Variants in TMIGD2 observed in about 807,000 individuals in gnomAD.
The protein encoded by TMIGD2 is transmembrane and immunoglobulin domain containing 2.
Under a neutral mutation model 22.6 loss-of-function variants are expected in TMIGD2, and 18 were observed. The observed-to-expected ratio is 0.80, with a 90% CI of 0.55 to 1.18. The LOEUF (loss-of-function observed/expected upper bound fraction) is 1.18. TMIGD2 is among the 50% of genes most tolerant of loss of function. The probability of loss-of-function intolerance (pLI) is 0.00; values close to 1 mark genes in which losing one functional copy is unlikely to be tolerated. For synonymous variants in TMIGD2, 184 were observed against 154.1 expected, an observed-to-expected ratio of 1.19 and a Z score of -1.44; for missense variants, 361 against 378.2, an observed-to-expected ratio of 0.95 and a Z score of 0.38.
At chr19:4,300,260 C>CAAACA (rs1184617131) in intron 1 of TMIGD2, among the ~76,000 whole-genome samples, 1 of 135,328 alleles carries the variant, frequency 7.4e-6, no homozygotes, top group Non-Finnish European at 1.6e-5. Context: ...GGCTCTGTCT[C>CAAACA]AAACAAAACA....
At chr19:4,302,350 C>T in exon 1 of TMIGD2, 2 of 1,575,070 alleles carry the variant, frequency 1.3e-6, no homozygotes, top group Non-Finnish European at 1.7e-6. Context: ...CCCAGATCTG[C>T]ACCAGGAGGC....
Position 4,294,629 on chromosome 19 carries a change from A to ACGAT in TMIGD2, c.496_499dup (p.Val167AspfsTer20), listed in dbSNP as rs759157548. The ACGAT allele has an allele frequency of 8.1e-6, 13 of 1,608,326 alleles. No individual in the cohort carries two copies. The Admixed American group carries it at 2.2e-4, about 27-fold the overall frequency. ...GCGGCCCCAGAACCAGGCACCCCAC[A>ACGAT]CGATCGCAGCCACACCCATGCTTCC... is the stretch of plus-strand genomic sequence containing the variant. On this transcript the variant is annotated frameshift_variant, in exon 4 of 5. Coordinates refer to ENST00000301272, the Ensembl canonical transcript of TMIGD2. LOFTEE classifies it high-confidence loss of function.
intron 2 of TMIGD2, 55 bp from the exon 3 acceptor site, chr19:4,294,871 A>G (rs781441485): frequency 5.3e-6 from 8 of 1,495,992 alleles, no homozygotes; most frequent in Admixed American, 4.7e-5. Flanking sequence ...CCCTCCAAGG[A>G]CAGAGCTCAC....
At chr19:4,294,707 A>T in intron 3 of TMIGD2, 27 bp from the exon 4 acceptor site, 2 of 1,574,614 alleles carry the variant, frequency 1.3e-6, no homozygotes, top group South Asian at 1.2e-5. Context: ...GAGATGGTCT[A>T]ATCAGGAGGG....
chr19:4,294,458 T>C (rs1971430499), intron 4 of TMIGD2, 121 bp downstream of exon 4: 3 of 922,976 alleles, frequency 3.3e-6, no homozygotes, highest in Non-Finnish European at 5.2e-6. Flanking sequence ...GAGCCAGGCT[T>C]CTCCTCCCTT....
intron 1 of TMIGD2, among the ~76,000 whole-genome samples, chr19:4,300,053 G>T (rs1176623005): frequency 6.6e-6 from 1 of 151,656 alleles, no homozygotes; most frequent in Admixed American, 6.6e-5. Context: ...CTGAGGTCAG[G>T]AGTTCAAGAC....
At chr19:4,292,703 T>TGGGGCA in exon 5 of TMIGD2, 1 of 1,603,584 alleles carries the variant, frequency 6.2e-7, no homozygotes, top group Non-Finnish European at 8.5e-7. Flanking sequence ...GGCCTGGGGC[T>TGGGGCA]GGGGCAGGGT....
intron 3 of TMIGD2, 37 bp downstream of exon 3, chr19:4,294,738 G>A (rs780446232): frequency 5.7e-6 from 9 of 1,575,762 alleles, no homozygotes; most frequent in African/African-American, 5.4e-5. Context: ...TGATGCGGGT[G>A]GAAGACGCTG....
At chr19:4,292,596 C>T in exon 5 of TMIGD2, 1 of 1,612,822 alleles carries the variant, frequency 6.2e-7, no homozygotes, top group African/African-American at 1.3e-5. Flanking sequence ...CTCCTGGGAT[C>T]TCTCACTCCT....
At chr19:4,294,714 A>C in intron 3 of TMIGD2, 34 bp from the exon 4 acceptor site, 1 of 1,571,008 alleles carries the variant, frequency 6.4e-7, no homozygotes, top group Non-Finnish European at 8.6e-7. Flanking sequence ...TCTAATCAGG[A>C]GGGGAAGGGG....
chr19:4,297,485 T>TTA (rs1375360459), intron 2 of TMIGD2, among the ~76,000 whole-genome samples: 1 of 152,180 alleles, frequency 6.6e-6, no homozygotes, highest in African/African-American at 2.4e-5. Context: ...TCCTCTTGCC[T>TTA]TAGCCTCCCA....
intron 4 of TMIGD2, among the ~76,000 whole-genome samples, chr19:4,293,967 G>T (rs578257539): frequency 6.6e-6 from 1 of 151,832 alleles, no homozygotes; most frequent in African/African-American, 2.4e-5. Context: ...TCACCATGTC[G>T]CCCAGGCTGG....
chr19:4,295,890 C>G (rs1404224182), intron 2 of TMIGD2, among the ~76,000 whole-genome samples: 1 of 152,172 alleles, frequency 6.6e-6, no homozygotes, highest in Non-Finnish European at 1.5e-5. Context: ...TACTATGTCT[C>G]AGGCCCTGTG....
exon 5 of TMIGD2, chr19:4,292,778 T>G (rs773560195): frequency 6.2e-7 from 1 of 1,610,682 alleles, no homozygotes; most frequent in Non-Finnish European, 8.5e-7. Context: ...GGGAAGGAGG[T>G]TGAATAAATG....
chr19:4,300,642 C>T (rs530329264), intron 1 of TMIGD2, among the ~76,000 whole-genome samples: 108 of 152,356 alleles, frequency 7.1e-4, no homozygotes, highest in African/African-American at 2.5e-3. Flanking sequence ...AAGTACATGC[C>T]ACTGTGCTCA....
chr19:4,292,977 T>C (rs1037127207), intron 4 of TMIGD2, 92 bp from the exon 5 acceptor site: 149 of 1,459,516 alleles, frequency 1.0e-4, no homozygotes, highest in Non-Finnish European at 1.2e-4. Flanking sequence ...TTTTTTTTTT[T>C]CTGTGAGACG....
At chr19:4,293,552 A>G (rs903567936) in intron 4 of TMIGD2, among the ~76,000 whole-genome samples, 10 of 142,434 alleles carry the variant, frequency 7.0e-5, no homozygotes, top group East Asian at 4.1e-4. Context: ...GAGCCACTGC[A>G]CCCGGCCAAT....
rs543125714 is a variant in TMIGD2 at position 4,295,195 on chromosome 19, A to G, written c.407-379T>C. 3.2e-3 allele frequency among the ~76,000 whole-genome samples: 457 copies of G among 141,954 alleles called. 3 individuals are homozygous for G. Among genetic ancestry groups the G allele is most frequent in the African/African-American group, 0.012 (441 of 37,320 alleles). 93.1% of individuals were successfully genotyped at this position (141,954 alleles called of 152,430 possible). On this transcript the variant is annotated intron_variant, in intron 2 of 4. Transcript: ENST00000301272. ...AGAATCGCTTGAATCCAGGAGGGGG[A>G]GGTTGCAGTGAGCCGAGATCGTGTC...
chr19:4,292,284 C>A (rs1324560752), exon 5 of TMIGD2: 4 of 346,010 alleles, frequency 1.2e-5, no homozygotes, highest in South Asian at 1.1e-4. Context: ...GAGCGAGATC[C>A]ATCATTACAG....
Sources: allele counts gnomAD v4.1 joint callset (sites outside exome capture counted in the v4.1 genomes callset), GRCh38; gene constraint gnomAD v4.1.1; transcripts MANE v1.5; gene names NCBI Gene and HGNC (gene_info 2026-07-23, HGNC 2026-07-21).